PACS1: variants seen among roughly 807,000 people sequenced by gnomAD.
PACS1 encodes the protein PACS-1.
Under a neutral mutation model 115.0 loss-of-function variants are expected in PACS1, and 24 were observed. The ratio of observed to expected loss-of-function variants is 0.21; its 90% CI spans 0.15 to 0.29. The LOEUF (loss-of-function observed/expected upper bound fraction) is 0.29, where lower values mean the gene tolerates loss of function less well. Among genes scored for constraint, PACS1 ranks in the 10% least tolerant of loss-of-function variants. The pLI is 1.00. For missense variants in PACS1, 838 were observed against 1,251.2 expected, an observed-to-expected ratio of 0.67 and a Z score of 4.98; for synonymous variants, 453 against 504.5, an observed-to-expected ratio of 0.90 and a Z score of 1.37.
chr11:66,156,197 T>G (rs537343788), intron 1 of PACS1, among the ~76,000 whole-genome samples: 20 of 132,984 alleles, frequency 1.5e-4, no homozygotes, highest in Non-Finnish European at 2.9e-4. Context: ...TTGTTTCATT[T>G]TTTAAATTAT....
chr11:66,145,254 G>A (rs770682954), intron 1 of PACS1, among the ~76,000 whole-genome samples: 29 of 152,188 alleles, frequency 1.9e-4, no homozygotes, highest in Non-Finnish European at 3.8e-4. Flanking sequence ...CTAAATGGTA[G>A]GGGGTTACTC....
chr11:66,209,133 A>G (rs1855013533), intron 2 of PACS1, among the ~76,000 whole-genome samples: 1 of 152,030 alleles, frequency 6.6e-6, no homozygotes, highest in Non-Finnish European at 1.5e-5. Context: ...GGGAGGTTAC[A>G]GAGGAAGTTC....
chr11:66,092,051 T>C (rs367836319), intron 1 of PACS1, among the ~76,000 whole-genome samples: 1 of 152,152 alleles, frequency 6.6e-6, no homozygotes, highest in Non-Finnish European at 1.5e-5. Flanking sequence ...ATGGGATGGC[T>C]GGGTCAAATG....
In PACS1 at chr11:66,180,362, G is replaced by T. The variant is rs1048106582; in HGVS notation, c.357-13124G>T. 4.9e-4 allele frequency among the ~76,000 whole-genome samples: 72 copies of T among 146,108 alleles called. No homozygotes were observed. In the East Asian group the frequency reaches 6.3e-3, roughly 13 times the overall value. On this transcript the variant is annotated intron_variant, in intron 1 of 23. Transcript: ENST00000320580. ...TCTCTTTCTTTCAGCTTTTTTTTTT[G>T]TGTGTGTGTGTGAAACGGAGTCTCA...
At chr11:66,161,718 AG>A (rs769437222) in intron 1 of PACS1, among the ~76,000 whole-genome samples, 3 of 152,242 alleles carry the variant, frequency 2.0e-5, no homozygotes, top group Non-Finnish European at 4.4e-5. Flanking sequence ...TTTAAATCTC[AG>A]CCAGAAAAGT....
chr11:66,126,601 A>G (rs181757830), intron 1 of PACS1, among the ~76,000 whole-genome samples: 184 of 151,984 alleles, frequency 1.2e-3, no homozygotes, highest in Middle Eastern at 3.4e-3. Flanking sequence ...TGCAAAAGTG[A>G]ATCTTTGACC....
intron 1 of PACS1, among the ~76,000 whole-genome samples, chr11:66,108,241 A>T (rs556608114): frequency 1.3e-5 from 2 of 152,330 alleles, no homozygotes; most frequent in African/African-American, 4.8e-5. Flanking sequence ...AGACGGGCAC[A>T]TTCTAGGTGT....
In PACS1 at chr11:66,230,920, G is replaced by A; in HGVS notation, c.1606G>A (p.Asp536Asn). The A allele has an allele frequency of 6.2e-7, 1 of 1,614,098 alleles. No homozygotes were observed. Residue 536 changes from aspartate (D) to asparagine (N), a missense_variant, in exon 13 of 24, where the codon GAT becomes AAT. Around this residue, in one of 6 missense-constraint regions of PACS1, gnomAD observed 383 missense variants for 537.0 expected, o/e 0.71. Transcript: ENST00000320580. The part of the protein sequence containing the change: ...TNSSDSERSP[D>N]LGHSTQIPRK... ...CAGTTCCGACAGCGAGCGCTCCCCA[G>A]ATCTGGGCCACAGCACGCAGGTACT...
At chr11:66,153,457 C>T (rs1203167618) in intron 1 of PACS1, among the ~76,000 whole-genome samples, 1 of 152,080 alleles carries the variant, frequency 6.6e-6, no homozygotes, top group Non-Finnish European at 1.5e-5. Flanking sequence ...CCAGCTTGGG[C>T]AACATGGTGA....
At chr11:66,114,490 GGCT>G (rs1470287555) in intron 1 of PACS1, among the ~76,000 whole-genome samples, 2 of 150,920 alleles carry the variant, frequency 1.3e-5, no homozygotes, top group East Asian at 3.9e-4. Context: ...ACTTTTTAAT[GGCT>G]GCTTAGTATG....
At chr11:66,074,402 A>C (rs1427551258) in intron 1 of PACS1, among the ~76,000 whole-genome samples, 1 of 152,088 alleles carries the variant, frequency 6.6e-6, no homozygotes, top group African/African-American at 2.4e-5. Flanking sequence ...ATGTTAAAGG[A>C]AGGGTGTTAG....
At chr11:66,205,733 A>G (rs979009316) in intron 2 of PACS1, among the ~76,000 whole-genome samples, 1 of 149,388 alleles carries the variant, frequency 6.7e-6, no homozygotes, top group Admixed American at 6.8e-5. Context: ...GGCTCAAGCT[A>G]TCCTTCCACC....
chr11:66,081,949 ATAC>A (rs2134501314), intron 1 of PACS1, among the ~76,000 whole-genome samples: 1 of 152,332 alleles, frequency 6.6e-6, no homozygotes, highest in African/African-American at 2.4e-5. Context: ...AAACCTGATA[ATAC>A]ATTTGTGGTC....
chr11:66,128,536 A>G (rs1399356971), intron 1 of PACS1, among the ~76,000 whole-genome samples: 1 of 152,170 alleles, frequency 6.6e-6, no homozygotes, highest in Non-Finnish European at 1.5e-5. Context: ...GGCTCATTCT[A>G]CTGTTCTACT....
intron 1 of PACS1, among the ~76,000 whole-genome samples, chr11:66,084,465 G>C (rs1014708723): frequency 3.3e-5 from 5 of 152,196 alleles, no homozygotes; most frequent in Admixed American, 2.6e-4. Flanking sequence ...GAGGAGGCAT[G>C]ATGGTCACTT....
In PACS1 at chr11:66,234,209, G is replaced by T; in HGVS notation, c.2071G>T (p.Asp691Tyr). 1 of 1,614,086 alleles carries T rather than the reference G, an allele frequency of 6.2e-7. No homozygotes were observed. Among genetic ancestry groups the T allele is most frequent in the Middle Eastern group, 1.6e-4 (1 of 6,062 alleles). ...TTCCTTCCTGGATTCTGGTTGGAGA[G>T]ATCTGTTCAGTCGCTCGGAGCCACC... The part of the protein sequence containing the change: ...SSSFLDSGWR[D>Y]LFSRSEPPVS... The change falls in exon 17 of 24, where the codon GAT becomes TAT. Residue 691 changes from aspartate to tyrosine, a missense_variant. By Grantham distance (160) the Asp-to-Tyr change is radical. Coordinates refer to ENST00000320580, the MANE Select transcript of PACS1 (RefSeq NM_018026.4).
In PACS1 at chr11:66,212,138, CT is replaced by C. The variant is rs1232135307; in HGVS notation, c.660+891del. ...TAACTTTTAATTTTTTTTATTTTTACTTTTTTTTTTTTGAGATGGAGTCTTG... is the reference window on the plus strand; with the variant it reads ...TAACTTTTAATTTTTTTTATTTTTACTTTTTTTTTTTGAGATGGAGTCTTG... On this transcript the variant is annotated intron_variant, in intron 4 of 23. Coordinates refer to ENST00000320580, the MANE Select transcript of PACS1 (RefSeq NM_018026.4). Among the ~76,000 whole-genome samples the C allele has an allele frequency of 7.8e-3, 1,134 of 145,186 alleles. 18 individuals are homozygous for C. The highest frequency in any genetic ancestry group is 0.025 in the African/African-American group (993 of 39,894).
At chr11:66,206,688 G>A (rs923459948) in intron 2 of PACS1, among the ~76,000 whole-genome samples, 1 of 152,214 alleles carries the variant, frequency 6.6e-6, no homozygotes, top group Non-Finnish European at 1.5e-5. Context: ...AAAGGGGACC[G>A]AGAGGGCTGG....
chr11:66,175,673 A>G (rs959970036), intron 1 of PACS1, among the ~76,000 whole-genome samples: 5 of 152,190 alleles, frequency 3.3e-5, no homozygotes, highest in Non-Finnish European at 5.9e-5. Context: ...CTTCCCATAC[A>G]TAGGTCACGG....
Sources: allele counts gnomAD v4.1 joint callset (sites outside exome capture counted in the v4.1 genomes callset), GRCh38; gene constraint gnomAD v4.1.1; regional missense constraint gnomAD v4.1.1; transcripts MANE v1.5; gene names NCBI Gene and HGNC (gene_info 2026-07-23, HGNC 2026-07-21).